Variants in CEP63 observed in about 807,000 individuals in gnomAD.
CEP63 encodes centrosomal protein 63, also known as centrosomal protein of 63 kDa.
CEP63 carries 84 observed loss-of-function variants against 89.1 expected under a neutral mutation model. The ratio of observed to expected loss-of-function variants is 0.94; its 90% CI spans 0.79 to 1.13. The LOEUF (loss-of-function observed/expected upper bound fraction) is 1.13, where lower values mean the gene tolerates loss of function less well. Ranked by LOEUF, CEP63 falls within the 50% of genes most tolerant of loss-of-function variation. The pLI, the probability that CEP63 is intolerant of heterozygous loss-of-function variation, is 0.00. For missense variants in CEP63, 838 were observed against 813.3 expected (o/e 1.03, Z -0.37); for synonymous variants, 267 against 272.5 (o/e 0.98, Z 0.20).
intron 2 of CEP63, among the ~76,000 whole-genome samples, chr3:134,497,068 T>G (rs1448418210): frequency 6.6e-6 from 1 of 152,270 alleles, no homozygotes; most frequent in Non-Finnish European, 1.5e-5. Context: ...TTTGTATGTC[T>G]TCTTTAGAGA....
chr3:134,754,435 T>A, the CEP63 span, among the ~76,000 whole-genome samples: 1 of 152,224 alleles, frequency 6.6e-6, no homozygotes, highest in African/African-American at 2.4e-5. Flanking sequence ...GAGGAGGGTC[T>A]CCTCTTGCTT....
the CEP63 span, among the ~76,000 whole-genome samples, chr3:134,733,683 G>A: frequency 6.6e-6 from 1 of 152,114 alleles, no homozygotes; most frequent in Admixed American, 6.6e-5. Flanking sequence ...TCAAACCAAG[G>A]AACATCAAGG....
the CEP63 span, among the ~76,000 whole-genome samples, chr3:134,719,473 G>A: frequency 6.6e-6 from 1 of 152,130 alleles, no homozygotes; most frequent in Admixed American, 6.5e-5. Context: ...TTTTATTGAG[G>A]TATGTCTTGT....
chr3:134,720,552 A>G, the CEP63 span, among the ~76,000 whole-genome samples: 1 of 152,140 alleles, frequency 6.6e-6, no homozygotes, highest in Non-Finnish European at 1.5e-5. Flanking sequence ...TTAGATAATA[A>G]AGATTCACCA....
rs540213250 is a variant in CEP63, at chr3:134,516,807, G to C, written c.222+9521G>C. The stretch of plus-strand genomic sequence containing the variant: ...TCTCAAGGCAGAAGAATTTTTCTTA[G>C]TACAGAACAAAATGGAGTCTCTTAT... On this transcript the variant is annotated intron_variant, in intron 3 of 14. Coordinates refer to ENST00000675561, the MANE Select transcript of CEP63 (RefSeq NM_001353108.3). 2.0e-5 allele frequency among the ~76,000 whole-genome samples: 3 copies of C among 152,296 alleles called. No individual in the cohort carries two copies. The South Asian group carries it at 6.2e-4, about 32-fold the overall frequency.
the CEP63 span, chr3:134,780,467 C>G: frequency 6.6e-6 from 1 of 152,160 alleles, no homozygotes; most frequent in African/African-American, 2.4e-5. Flanking sequence ...GTGCATTCAC[C>G]TACTCTAGAT....
chr3:134,728,413 G>A, the CEP63 span, among the ~76,000 whole-genome samples: 3 of 152,158 alleles, frequency 2.0e-5, no homozygotes, highest in Non-Finnish European at 2.9e-5. Context: ...TTACGTATAG[G>A]AATGACTGTG....
chr3:134,777,904 C>T, the CEP63 span, among the ~76,000 whole-genome samples: 15 of 151,582 alleles, frequency 9.9e-5, no homozygotes, highest in African/African-American at 2.9e-4. Flanking sequence ...TGTGAGCCAC[C>T]GCGCCCGGCT....
chr3:134,666,898 A>C, the CEP63 span, among the ~76,000 whole-genome samples: 1 of 152,202 alleles, frequency 6.6e-6, no homozygotes. Context: ...AAGGTCACAA[A>C]GCGAGTCAGT....
the CEP63 span, chr3:134,643,422 T>A: frequency 1.9e-6 from 3 of 1,552,302 alleles, no homozygotes; most frequent in Non-Finnish European, 2.7e-6. Context: ...CACTGGGGAA[T>A]TTTCCCCAGG....
Position 134,516,476 on chromosome 3 carries a change from C to A in CEP63, c.222+9190C>A, listed in dbSNP as rs567827907. Among the ~76,000 whole-genome samples, 6 of 152,290 alleles carry A rather than the reference C, an allele frequency of 3.9e-5. No individual in the cohort carries two copies. In the East Asian group the frequency reaches 9.7e-4, roughly 25 times the overall value. On this transcript the variant is annotated intron_variant, in intron 3 of 14. Transcript: ENST00000675561. ...TTTTACTAATCCTCCTCAGCACAGA[C>A]CCTTTACGGGTGTCGGGCTGGGGGA... is the stretch of plus-strand genomic sequence containing the variant.
At chr3:134,707,583 C>T in the CEP63 span, among the ~76,000 whole-genome samples, 11 of 152,124 alleles carry the variant, frequency 7.2e-5, no homozygotes, top group Non-Finnish European at 1.6e-4. Flanking sequence ...TTGCTCTTCC[C>T]CCTGCTGTGA....
At chr3:134,702,832 G>T in the CEP63 span, among the ~76,000 whole-genome samples, 1 of 152,072 alleles carries the variant, frequency 6.6e-6, no homozygotes. Context: ...TGAAGGCGAG[G>T]TTGTGGGGAA....
the CEP63 span, among the ~76,000 whole-genome samples, chr3:134,733,034 C>G: frequency 6.6e-6 from 1 of 152,164 alleles, no homozygotes; most frequent in African/African-American, 2.4e-5. Flanking sequence ...GACATTAGCA[C>G]AATGTTATAG....
the CEP63 span, among the ~76,000 whole-genome samples, chr3:134,606,678 G>A: frequency 1.7e-4 from 26 of 152,262 alleles, 1 homozygote; most frequent in African/African-American, 5.3e-4. Flanking sequence ...TTCCTGCCAC[G>A]TCTTAGTGCC....
chr3:134,558,427 A>G, intron 13 of CEP63, 80 bp downstream of exon 13: 1 of 1,011,688 alleles, frequency 9.9e-7, no homozygotes, highest in East Asian at 2.6e-5. Flanking sequence ...TTTTTGACTT[A>G]CAGAAATTAA....
the CEP63 span, among the ~76,000 whole-genome samples, chr3:134,721,754 T>G: frequency 2.0e-5 from 3 of 152,210 alleles, no homozygotes; most frequent in Non-Finnish European, 4.4e-5. Flanking sequence ...CTTTATTTTA[T>G]TAATGTGATG....
At chr3:134,700,312 C>T in the CEP63 span, among the ~76,000 whole-genome samples, 3 of 152,326 alleles carry the variant, frequency 2.0e-5, no homozygotes, top group East Asian at 5.8e-4. Flanking sequence ...TAATGGGTTC[C>T]CAGTGCTACC....
the CEP63 span, among the ~76,000 whole-genome samples, chr3:134,613,659 T>C: frequency 6.6e-6 from 1 of 152,182 alleles, no homozygotes; most frequent in Non-Finnish European, 1.5e-5. Flanking sequence ...AGAAAAAAGA[T>C]GAAAATATAA....
Sources: allele counts gnomAD v4.1 joint callset (sites outside exome capture counted in the v4.1 genomes callset), GRCh38; gene constraint gnomAD v4.1.1; transcripts MANE v1.5; gene names NCBI Gene and HGNC (gene_info 2026-07-23, HGNC 2026-07-21).